FOXN3: variants seen among roughly 807,000 people sequenced by gnomAD.
FOXN3 encodes the protein forkhead box N3.
In FOXN3, 7 loss-of-function variants were observed where a neutral mutation model predicts 38.4. That is an observed-to-expected ratio of 0.18 (90% confidence interval 0.10 to 0.34). FOXN3 has a LOEUF of 0.34. FOXN3 is among the 10% of genes least tolerant of loss of function. The probability of loss-of-function intolerance (pLI) is 1.00; values close to 1 mark genes in which losing one functional copy is unlikely to be tolerated. For synonymous variants in FOXN3, 230 were observed against 242.2 expected, an observed-to-expected ratio of 0.95 and a Z score of 0.47; for missense variants, 456 against 613.4, an observed-to-expected ratio of 0.74 and a Z score of 2.71.
chr14:89,203,281 T>C (rs1252316208), intron 4 of FOXN3, among the ~76,000 whole-genome samples: 1 of 152,176 alleles, frequency 6.6e-6, no homozygotes, highest in Non-Finnish European at 1.5e-5. Context: ...CCTTGACTCT[T>C]TATGCCTGCA....
intron 1 of FOXN3, among the ~76,000 whole-genome samples, chr14:89,546,333 T>C (rs112917674): frequency 6.1e-4 from 67 of 109,306 alleles, no homozygotes; most frequent in Middle Eastern, 3.9e-3. Flanking sequence ...CTTTTTCTTT[T>C]TTTTTTTTTT....
At chr14:89,526,009 GA>G (rs149239766) in intron 1 of FOXN3, among the ~76,000 whole-genome samples, 38 of 145,800 alleles carry the variant, frequency 2.6e-4, no homozygotes, top group African/African-American at 8.3e-4. Context: ...GAACTAAAAA[GA>G]AAAAAAAAAG....
In FOXN3 at chr14:89,229,366, A is replaced by G. The variant is rs140769384; in HGVS notation, c.746-48560T>C. On this transcript the variant is annotated intron_variant, in intron 4 of 5. Transcript: ENST00000557258. ...TCAAAATATCCTATTGCACAAAAGT[A>G]TTTATTAAGCTCTTGCCACTCTGAC... Among the ~76,000 whole-genome samples the G allele has an allele frequency of 2.4e-3, 366 of 152,324 alleles. 3 individuals carry two copies. Among genetic ancestry groups the G allele is most frequent in the African/African-American group, 8.4e-3 (350 of 41,556 alleles).
rs572322468 is a variant in FOXN3, at chr14:89,347,578, T to C, written c.680+3094A>G. On this transcript the variant is annotated intron_variant, in intron 3 of 5. Transcript: ENST00000557258. Reference sequence around the variant, plus strand: ...CTCCACGCTGAGCTCTGCACTTCGATTAAAAACAATTCACAAATTTGGTAT... The same window carrying C: ...CTCCACGCTGAGCTCTGCACTTCGACTAAAAACAATTCACAAATTTGGTAT... Among the ~76,000 whole-genome samples, 11 of 152,274 alleles carry C rather than the reference T, an allele frequency of 7.2e-5. No individual in the cohort carries two copies. In the South Asian group the frequency reaches 2.1e-3, roughly 29 times the overall value.
chr14:89,294,687 A>T (rs1886982636), intron 3 of FOXN3, among the ~76,000 whole-genome samples: 1 of 152,192 alleles, frequency 6.6e-6, no homozygotes. Context: ...CCTCACTGCT[A>T]CACTCCCACA....
At chr14:89,273,350 G>A (rs997840670) in intron 4 of FOXN3, among the ~76,000 whole-genome samples, 3 of 152,174 alleles carry the variant, frequency 2.0e-5, no homozygotes, top group Non-Finnish European at 2.9e-5. Context: ...AAAGGCCCTC[G>A]ATTTCCTGAC....
chr14:89,208,150 A>C lies in FOXN3; in HGVS notation c.746-27344T>G, dbSNP rs2139827914. On this transcript the variant is annotated intron_variant, in intron 4 of 5. Transcript: ENST00000557258. Reference sequence around the variant, plus strand: ...AGGTCATAATTATAGTTCTCTTTTTAAAATGTGACCACAGTATCCAAATTG... The same window carrying C: ...AGGTCATAATTATAGTTCTCTTTTTCAAATGTGACCACAGTATCCAAATTG... Among the ~76,000 whole-genome samples the C allele has an allele frequency of 1.3e-5, 2 of 152,304 alleles. 1 individual carries two copies.
intron 1 of FOXN3, among the ~76,000 whole-genome samples, chr14:89,615,035 A>G (rs1388784396): frequency 6.6e-6 from 1 of 152,082 alleles, no homozygotes; most frequent in Non-Finnish European, 1.5e-5. Context: ...AGACTTCTGC[A>G]CAGCAAATCC....
intron 2 of FOXN3, among the ~76,000 whole-genome samples, chr14:89,404,726 C>T (rs1042554502): frequency 6.6e-6 from 1 of 151,938 alleles, no homozygotes. Flanking sequence ...GCAGTAGGCA[C>T]CGGTGAGAAG....
chr14:89,432,044 A>G (rs1017993380), intron 1 of FOXN3, among the ~76,000 whole-genome samples: 5 of 152,226 alleles, frequency 3.3e-5, no homozygotes, highest in African/African-American at 1.2e-4. Context: ...ATCAAACAAT[A>G]TGTGATGTAA....
chr14:89,349,956 T>C lies in FOXN3; in HGVS notation c.680+716A>G, dbSNP rs7160855. ...TTTTTTGTAGAACTGAGGAATGCAC[T>C]TCAAATTCAAGTACTATGTATTCAT... On this transcript the variant is annotated intron_variant, in intron 3 of 5. Transcript: ENST00000557258. 9.6e-3 allele frequency among the ~76,000 whole-genome samples: 1,460 copies of C among 152,312 alleles called. 23 individuals carry two copies. Among genetic ancestry groups the C allele is most frequent in the African/African-American group, 0.033 (1,385 of 41,558 alleles).
intron 1 of FOXN3, among the ~76,000 whole-genome samples, chr14:89,467,431 A>G (rs577171658): frequency 6.6e-6 from 1 of 152,146 alleles, no homozygotes; most frequent in Non-Finnish European, 1.5e-5. Context: ...TTAAAATACA[A>G]TTACTGATGA....
chr14:89,166,836 G>A (rs1487342260), intron 5 of FOXN3, among the ~76,000 whole-genome samples: 1 of 152,182 alleles, frequency 6.6e-6, no homozygotes, highest in African/African-American at 2.4e-5. Flanking sequence ...TGTTATTCAC[G>A]ATGGTGCAAG....
chr14:89,423,085 A>G (rs541661904), intron 1 of FOXN3, among the ~76,000 whole-genome samples: 1 of 152,318 alleles, frequency 6.6e-6, no homozygotes, highest in East Asian at 1.9e-4. Flanking sequence ...GGGGACTGGG[A>G]AGAGGCCAGG....
At chr14:89,340,937 C>T (rs893707869) in intron 3 of FOXN3, among the ~76,000 whole-genome samples, 1 of 152,136 alleles carries the variant, frequency 6.6e-6, no homozygotes, top group African/African-American at 2.4e-5. Flanking sequence ...AAGAGCCTGA[C>T]CTCTCATTGC....
At chr14:89,411,419 G>A (rs1891542273) in intron 2 of FOXN3, among the ~76,000 whole-genome samples, 2 of 152,144 alleles carry the variant, frequency 1.3e-5, no homozygotes, top group Admixed American at 6.5e-5. Flanking sequence ...TTTAGTCTGC[G>A]AGCGTAAGTA....
chr14:89,268,822 G>A (rs1886062180), intron 4 of FOXN3, among the ~76,000 whole-genome samples: 1 of 152,216 alleles, frequency 6.6e-6, no homozygotes, highest in South Asian at 2.1e-4. Context: ...AGGGGTGGGA[G>A]GAGAAAGCTG....
chr14:89,242,604 G>T (rs959359182), intron 4 of FOXN3, among the ~76,000 whole-genome samples: 2 of 152,068 alleles, frequency 1.3e-5, no homozygotes, highest in Non-Finnish European at 2.9e-5. Flanking sequence ...ATTAAAAGCT[G>T]AATACAGTAA....
chr14:89,292,661 C>T (rs2139935800), intron 3 of FOXN3, among the ~76,000 whole-genome samples: 1 of 152,300 alleles, frequency 6.6e-6, no homozygotes, highest in Non-Finnish European at 1.5e-5. Context: ...GTTCAAGGCC[C>T]CATTTTGCAA....
Sources: allele counts gnomAD v4.1 joint callset (sites outside exome capture counted in the v4.1 genomes callset), GRCh38; gene constraint gnomAD v4.1.1; transcripts MANE v1.5; gene names NCBI Gene and HGNC (gene_info 2026-07-23, HGNC 2026-07-21).